Variants in WASF2 observed in about 807,000 individuals in gnomAD.
WASF2 encodes WASP family member 2.
A neutral mutation model predicts 45.0 loss-of-function variants in WASF2; 14 were observed. The ratio of observed to expected loss-of-function variants is 0.31; its 90% CI spans 0.21 to 0.49. WASF2 has a LOEUF of 0.49. Ranked by LOEUF, WASF2 falls within the 20% of genes least tolerant of loss-of-function variation. The pLI is 0.99. For missense variants in WASF2, 439 were observed against 636.1 expected (o/e 0.69, Z 3.33); for synonymous variants, 200 against 236.3 (o/e 0.85, Z 1.41).
intron 1 of WASF2, among the ~76,000 whole-genome samples, chr1:27,435,854 T>A (rs747792589): frequency 1.1e-4 from 16 of 152,338 alleles, no homozygotes; most frequent in African/African-American, 2.4e-4. Flanking sequence ...CCAAGGTCAC[T>A]GATAACACCT....
At chr1:27,413,126 C>T (rs1262053652) in intron 6 of WASF2, among the ~76,000 whole-genome samples, 1 of 152,172 alleles carries the variant, frequency 6.6e-6, no homozygotes, top group East Asian at 1.9e-4. Flanking sequence ...GCTGCAAACA[C>T]GTGACTGGCA....
chr1:27,487,132 G>C (rs1291953582), intron 1 of WASF2, among the ~76,000 whole-genome samples: 2 of 145,092 alleles, frequency 1.4e-5, no homozygotes, highest in African/African-American at 2.5e-5. Context: ...ACGGAGTCTC[G>C]CTCTGTCGCC....
At chr1:27,462,148 T>C (rs1138125) in intron 1 of WASF2, among the ~76,000 whole-genome samples, 2 of 151,926 alleles carry the variant, frequency 1.3e-5, no homozygotes, top group African/African-American at 4.8e-5. Context: ...CGGCGAATTT[T>C]TGTATTTTTA....
intron 1 of WASF2, among the ~76,000 whole-genome samples, chr1:27,479,595 T>C (rs1462884449): frequency 6.6e-6 from 1 of 152,250 alleles, no homozygotes; most frequent in East Asian, 1.9e-4. Context: ...CCTGGCACGG[T>C]GGCTCACGCC....
chr1:27,428,886 G>A lies in WASF2; in HGVS notation c.5C>T (p.Pro2Leu), dbSNP rs765406825. M[P>L]LVTRNIEPRH... is the part of the protein sequence containing the mutation. ...TGGCTCGATGTTCCTCGTTACTAAC[G>A]GCATGGTGGACCTGCTTCAGGCAAT... Residue 2 changes from proline to leucine, a missense_variant, in exon 2 of 9, where the codon CCG (proline) becomes CTG (leucine). This residue lies in a region of WASF2 where 16 missense variants were observed against 21.1 expected (regional missense o/e 0.76). Coordinates refer to ENST00000618852, the MANE Select transcript of WASF2 (RefSeq NM_006990.5). The A allele has an allele frequency of 6.2e-7, 1 of 1,614,000 alleles. No individual in the cohort carries two copies. The highest frequency in any genetic ancestry group is 2.2e-5 in the East Asian group (1 of 44,870).
intron 1 of WASF2, among the ~76,000 whole-genome samples, chr1:27,440,960 G>A (rs2017217455): frequency 1.3e-5 from 2 of 151,880 alleles, no homozygotes; most frequent in Admixed American, 6.6e-5. Context: ...TCCCCTTCCT[G>A]GGTTCCAGCT....
At chr1:27,442,828 C>T (rs1227953863) in intron 1 of WASF2, among the ~76,000 whole-genome samples, 1 of 151,698 alleles carries the variant, frequency 6.6e-6, no homozygotes, top group African/African-American at 2.4e-5. Flanking sequence ...TGGTGAAACC[C>T]CGTCTCTACT....
At chr1:27,439,083 G>A (rs1422749748) in intron 1 of WASF2, among the ~76,000 whole-genome samples, 1 of 152,204 alleles carries the variant, frequency 6.6e-6, no homozygotes, top group Non-Finnish European at 1.5e-5. Context: ...GTGGGGCAGA[G>A]CAAGAGCATG....
In WASF2 at chr1:27,410,191, G is replaced by T. The variant is rs41291110; in HGVS notation, c.840C>A (p.Asn280Lys). 7.1e-4 allele frequency: 1,146 copies of T among 1,614,048 alleles called. 1 individual carries two copies. The highest frequency in any genetic ancestry group is 8.9e-4 in the Non-Finnish European group (1,049 of 1,180,010). ...GTCCAGCCAAACCAGATCCTCTTTG[G>T]TTGTCCACTGGGTAACTAAAAGGCC... ...PPAEFSYPVDNQRGSGLAGPK... is the reference protein window; with the variant it reads ...PPAEFSYPVDKQRGSGLAGPK... Residue 280 changes from asparagine to lysine, a missense_variant, in exon 8 of 9, where the codon AAC (asparagine) becomes AAA (lysine). Asn to Lys is a moderately conservative substitution (Grantham distance 94, BLOSUM62 0). Transcript: ENST00000618852. This position sits in a 1 kb window ranked among gnomAD's most constrained non-coding sequence, Gnocchi z 4.2.
In WASF2 at chr1:27,410,975, C is replaced by T. The variant is rs1239264168; in HGVS notation, c.825-769G>A. Among the ~76,000 whole-genome samples, 1 of 152,208 alleles carries T rather than the reference C, an allele frequency of 6.6e-6. No individual in the cohort carries two copies. Among genetic ancestry groups the T allele is most frequent in the East Asian group, 1.9e-4 (1 of 5,206 alleles). On this transcript the variant is annotated intron_variant, in intron 7 of 8. Coordinates refer to ENST00000618852, the MANE Select transcript of WASF2 (RefSeq NM_006990.5). The surrounding 1 kb of genome is among the most constrained non-coding windows in gnomAD (Gnocchi z 4.2). ...TTTTCTTTTTCCACCTTTGTATCTA[C>T]CCTGCACTAACAGCTACTCCTTAGA...
In WASF2 at chr1:27,487,597, A is replaced by AAT. The variant is rs1466730408; in HGVS notation, c.-44+2387_-44+2388dup. On this transcript the variant is annotated intron_variant, in intron 1 of 8. Coordinates refer to ENST00000618852, the MANE Select transcript of WASF2 (RefSeq NM_006990.5). ...AATATATATTATATATATTTTATAT[A>AAT]ATATATAATATATATTATATATATT... Among the ~76,000 whole-genome samples, 46 of 98,864 alleles carry AAT rather than the reference A, an allele frequency of 4.7e-4. 1 individual carries two copies. The highest frequency in any genetic ancestry group is 1.8e-3 in the African/African-American group (43 of 23,274). 64.9% of individuals were successfully genotyped at this position (98,864 alleles called of 152,430 possible).
intron 1 of WASF2, among the ~76,000 whole-genome samples, chr1:27,436,073 G>T (rs1282800134): frequency 6.6e-6 from 1 of 152,220 alleles, no homozygotes; most frequent in Non-Finnish European, 1.5e-5. Context: ...CTGTTCTATA[G>T]TTAACAGCAC....
In WASF2 at chr1:27,447,663, C is replaced by T. The variant is rs537685748; in HGVS notation, c.-43-18730G>A. On this transcript the variant is annotated intron_variant, in intron 1 of 8. Coordinates refer to ENST00000618852, the MANE Select transcript of WASF2 (RefSeq NM_006990.5). ...AACACTAATGGATTCCGAACAGTCA[C>T]GAAAGTTTAGCTGAAGGAATGGAGC... is the stretch of plus-strand genomic sequence containing the variant. Among the ~76,000 whole-genome samples, 9 of 152,148 alleles carry T rather than the reference C, an allele frequency of 5.9e-5. No individual in the cohort carries two copies. The South Asian group carries it at 6.2e-4, about 11-fold the overall frequency.
intron 1 of WASF2, among the ~76,000 whole-genome samples, chr1:27,445,239 A>G (rs2017295819): frequency 1.3e-5 from 2 of 152,172 alleles, no homozygotes; most frequent in Admixed American, 1.3e-4. Flanking sequence ...CTAGTCCTCC[A>G]ATTTTCCAAG....
intron 7 of WASF2, among the ~76,000 whole-genome samples, chr1:27,411,211 C>G (rs775496274): frequency 6.6e-5 from 10 of 152,140 alleles, no homozygotes; most frequent in Non-Finnish European, 1.3e-4. Flanking sequence ...TAAGAAGTAC[C>G]CAAGGAGAAA....
rs1362717848 is a variant in WASF2 at position 27,474,728 on chromosome 1, T to C, written c.-44+15258A>G. Among the ~76,000 whole-genome samples, 3 of 151,154 alleles carry C rather than the reference T, an allele frequency of 2.0e-5. No individual in the cohort carries two copies. In the East Asian group the frequency reaches 5.9e-4, roughly 30 times the overall value. Reference sequence around the variant, plus strand: ...CAGAGGTTGCAGTGAGCCGAGATCATGCCACTGCCCTCCAGCTTGGGCAAC... The same window carrying C: ...CAGAGGTTGCAGTGAGCCGAGATCACGCCACTGCCCTCCAGCTTGGGCAAC... On this transcript the variant is annotated intron_variant, in intron 1 of 8. Transcript: ENST00000618852.
In WASF2 at chr1:27,416,004, T is replaced by C; in HGVS notation, c.518A>G (p.Lys173Arg). 6.2e-7 allele frequency: 1 copy of C among 1,614,042 alleles called. No homozygotes were observed. The highest frequency in any genetic ancestry group is 8.5e-7 in the Non-Finnish European group (1 of 1,179,904). ...CCTCACCCTATGCTTTCTCTTCTCT[T>C]TCATGATATCCTTGGTGTCCTGCAG... ...KMLQDTKDIM[K>R]EKRKHRKEKK... Residue 173 changes from lysine (K) to arginine (R), a missense_variant, in exon 5 of 9, where the codon AAA becomes AGA. Coordinates refer to ENST00000618852, the MANE Select transcript of WASF2 (RefSeq NM_006990.5).
intron 1 of WASF2, among the ~76,000 whole-genome samples, chr1:27,433,568 G>T (rs1399231434): frequency 2.0e-5 from 3 of 152,176 alleles, no homozygotes; most frequent in Non-Finnish European, 4.4e-5. Flanking sequence ...ATAAGCACAG[G>T]AGTTATATTT....
rs1316257386 is a variant in WASF2 at position 27,407,138 on chromosome 1, G to A, written c.*1051C>T. 1.3e-5 allele frequency: 2 copies of A among 152,428 alleles called. No individual in the cohort carries two copies. Among genetic ancestry groups the A allele is most frequent in the African/African-American group, 2.4e-5 (1 of 41,454 alleles). 9.4% of individuals were successfully genotyped at this position (152,428 alleles called of 1,614,324 possible). On this transcript the variant is annotated 3_prime_UTR_variant, in exon 9 of 9. Transcript: ENST00000618852. ...CTACTGGGACCCCAACCTATGGTGA[G>A]GTCTGGAGTAGCAATACAACTGAGA... is the stretch of plus-strand genomic sequence containing the variant.
Sources: gnomAD v4.1 joint callset for allele counts (sites outside exome capture counted in the v4.1 genomes callset) on GRCh38, gnomAD v4.1.1 for gene constraint, gnomAD v4.1.1 regional missense constraint, Gnocchi (gnomAD v3.1) non-coding constraint, MANE v1.5 for transcripts, NCBI Gene and HGNC (gene_info 2026-07-23, HGNC 2026-07-21) for gene names.